Variants in CHST13 observed in about 807,000 individuals in gnomAD.
CHST13 encodes the protein carbohydrate sulfotransferase 13, also known as C4ST-3.
Under a neutral mutation model 7.0 loss-of-function variants are expected in CHST13, and 1 was observed. The ratio of observed to expected loss-of-function variants is 0.14; its 90% CI spans 0.05 to 0.68. CHST13 has a LOEUF of 0.68. Ranked by LOEUF, CHST13 falls within the 30% of genes least tolerant of loss-of-function variation. CHST13 has a pLI of 0.82. For synonymous variants in CHST13, 257 were observed against 240.9 expected (o/e 1.07, Z -0.62); for missense variants, 572 against 507.9 (o/e 1.13, Z -1.21).
intron 2 of CHST13, among the ~76,000 whole-genome samples, chr3:126,536,752 C>A (rs1245624073): frequency 6.6e-6 from 1 of 151,874 alleles, no homozygotes; most frequent in African/African-American, 2.4e-5. Flanking sequence ...ATGGACCAGG[C>A]GGGGCTGGCT....
Position 126,537,574 on chromosome 3 carries a change from T to A in CHST13, c.180+1221T>A, listed in dbSNP as rs113973048. Among the ~76,000 whole-genome samples the A allele has an allele frequency of 9.1e-4, 138 of 151,960 alleles. 1 individual carries two copies. Among genetic ancestry groups the A allele is most frequent in the African/African-American group, 3.2e-3 (134 of 41,440 alleles). ...GGTAGGGAGGCCTTCCTTCGCAGAG[T>A]GTGACTGACTGACTCTGGGCCACAC... On this transcript the variant is annotated intron_variant, in intron 2 of 2. Transcript: ENST00000319340.
intron 1 of CHST13, among the ~76,000 whole-genome samples, chr3:126,530,820 TG>T (rs1320600371): frequency 6.6e-6 from 1 of 152,244 alleles, no homozygotes; most frequent in East Asian, 1.9e-4. Context: ...GGCTGGTCAG[TG>T]GCCTGGAGAC....
intron 2 of CHST13, among the ~76,000 whole-genome samples, chr3:126,540,968 G>T (rs576975076): frequency 1.1e-4 from 17 of 152,288 alleles, no homozygotes; most frequent in African/African-American, 3.4e-4. Context: ...TCATAGGCAG[G>T]GGTGTTAATC....
chr3:126,528,118 G>GGT (rs1936573191), intron 1 of CHST13, among the ~76,000 whole-genome samples: 1 of 151,578 alleles, frequency 6.6e-6, no homozygotes, highest in African/African-American at 2.4e-5. Context: ...AATGGCCTGG[G>GGT]GTGTGAATGG....
chr3:126,536,923 AC>A (rs1553813759), intron 2 of CHST13, among the ~76,000 whole-genome samples: 1 of 141,458 alleles, frequency 7.1e-6, no homozygotes, highest in South Asian at 2.2e-4. Flanking sequence ...ACACACACAC[AC>A]CCCACACACA....
chr3:126,529,233 T>G (rs1024083344), intron 1 of CHST13: 11 of 1,037,422 alleles, frequency 1.1e-5, no homozygotes, highest in Non-Finnish European at 1.4e-5. Context: ...ACCCGGTATC[T>G]TGATTGGCAG....
intron 1 of CHST13, among the ~76,000 whole-genome samples, chr3:126,532,988 A>G (rs1424881583): frequency 6.6e-6 from 1 of 152,220 alleles, no homozygotes; most frequent in Non-Finnish European, 1.5e-5. Flanking sequence ...TTCCTTTGTT[A>G]CCAACTTCTT....
intron 1 of CHST13, among the ~76,000 whole-genome samples, chr3:126,533,388 A>T (rs1200588719): frequency 6.6e-6 from 1 of 152,146 alleles, no homozygotes; most frequent in Non-Finnish European, 1.5e-5. Context: ...CAGTTTGGCA[A>T]AGTTTCCTTC....
At chr3:126,539,422 T>G (rs1936873996) in intron 2 of CHST13, among the ~76,000 whole-genome samples, 1 of 151,824 alleles carries the variant, frequency 6.6e-6, no homozygotes, top group Non-Finnish European at 1.5e-5. Context: ...TGCACATGTG[T>G]GCAGGAGCGT....
At chr3:126,525,396 C>T (rs1936518538) in intron 1 of CHST13, among the ~76,000 whole-genome samples, 1 of 152,118 alleles carries the variant, frequency 6.6e-6, no homozygotes. Context: ...ATATCAGGGC[C>T]TGGGGAGGCC....
Position 126,542,663 on chromosome 3 carries a change from C to A in CHST13, c.*85C>A. On this transcript the variant is annotated 3_prime_UTR_variant, in exon 3 of 3. Transcript: ENST00000319340. ...AATGCAGGTGCTGCCGGCCCCAGGA[C>A]CCCTCTTCAAGAGCCACTGCGTGCA... is the stretch of plus-strand genomic sequence containing the variant. 1.4e-6 allele frequency: 2 copies of A among 1,384,356 alleles called. No homozygotes were observed. The highest frequency in any genetic ancestry group is 1.9e-6 in the Non-Finnish European group (2 of 1,068,456). The allele number at this position is 1,384,356 out of a possible 1,614,324, so 85.8% of individuals were successfully genotyped here. A position where few individuals can be genotyped will look rare whatever the true frequency, so the allele number is the denominator to read the frequency against.
intron 1 of CHST13, among the ~76,000 whole-genome samples, chr3:126,535,867 T>G (rs113726434): frequency 8.5e-5 from 13 of 152,328 alleles, no homozygotes; most frequent in African/African-American, 2.9e-4. Flanking sequence ...ATACACAGGA[T>G]CTGAGGGTGC....
rs754142853 is a variant in CHST13 at position 126,542,292 on chromosome 3, G to A, written c.740G>A (p.Trp247Ter). 3 of 1,566,262 alleles carry A rather than the reference G, an allele frequency of 1.9e-6. No homozygotes were observed. Among genetic ancestry groups the A allele is most frequent in the East Asian group, 2.4e-5 (1 of 41,116 alleles). Residue 247 changes from tryptophan to a stop codon, truncating the protein, a stop_gained, in exon 3 of 3, where the codon TGG becomes TAG. Transcript: ENST00000319340. LOFTEE classifies it low-confidence loss of function (END_TRUNC). The part of the protein sequence containing the change: ...TRREEPFNEH[W>*]ERAHALCHPC... ...CGTGAGGAGCCCTTCAACGAGCACT[G>A]GGAGCGCGCGCACGCGCTCTGCCAC... is the stretch of plus-strand genomic sequence containing the variant.
rs1022032391 is a variant in CHST13, at chr3:126,524,284, C to T, written c.-49C>T. ...CGGGTCCTGGGCCAGTGCAACTCCG[C>T]CCCCAGCCGTATCCAGCGGACTGTC... is the stretch of plus-strand genomic sequence containing the variant. On this transcript the variant is annotated 5_prime_UTR_variant, in exon 1 of 3. Transcript: ENST00000319340. 8.2e-7 allele frequency: 1 copy of T among 1,213,498 alleles called. No homozygotes were observed. Among genetic ancestry groups the T allele is most frequent in the Non-Finnish European group, 1.0e-6 (1 of 974,280 alleles). The allele number at this position is 1,213,498 out of a possible 1,614,324, so 75.2% of individuals were successfully genotyped here.
chr3:126,535,369 A>G (rs1936760308), intron 1 of CHST13, among the ~76,000 whole-genome samples: 1 of 146,864 alleles, frequency 6.8e-6, no homozygotes, highest in South Asian at 2.2e-4. Context: ...CACAGACAGC[A>G]TCGCTGTCCC....
rs368537915 is a variant in CHST13 at position 126,536,255 on chromosome 3, C to T, written c.98-16C>T. The T allele has an allele frequency of 1.4e-5, 22 of 1,611,466 alleles. No homozygotes were observed. The Admixed American group carries it at 2.8e-4, about 21-fold the overall frequency. On this transcript the variant is annotated splice_polypyrimidine_tract_variant and intron_variant, in intron 1 of 2. Coordinates refer to ENST00000319340, the MANE Select transcript of CHST13 (RefSeq NM_152889.3). ...CCTCTGATATGGTGGCGACATCTCTCTCCTTATGCCCACAGCATTTGGAAA... is the reference window on the plus strand; with the variant it reads ...CCTCTGATATGGTGGCGACATCTCTTTCCTTATGCCCACAGCATTTGGAAA...
intron 2 of CHST13, among the ~76,000 whole-genome samples, chr3:126,538,058 G>A (rs987341196): frequency 1.3e-5 from 2 of 152,224 alleles, no homozygotes; most frequent in Admixed American, 1.3e-4. Flanking sequence ...TCCCCAAAGA[G>A]AGCTGTGTGA....
rs755479275 is a variant in CHST13, at chr3:126,542,294, G to A, written c.742G>A (p.Glu248Lys). 1.3e-5 allele frequency: 21 copies of A among 1,566,420 alleles called. No homozygotes were observed. Among genetic ancestry groups the A allele is most frequent in the African/African-American group, 2.8e-5 (2 of 71,784 alleles). The stretch of plus-strand genomic sequence containing the variant: ...TGAGGAGCCCTTCAACGAGCACTGG[G>A]AGCGCGCGCACGCGCTCTGCCACCC... ...RREEPFNEHW[E>K]RAHALCHPCR... is the part of the protein sequence containing the mutation. Residue 248 changes from glutamate to lysine, a missense_variant, in exon 3 of 3, where the codon GAG (glutamate) becomes AAG (lysine). By Grantham distance (56) the Glu-to-Lys change is moderately conservative. Coordinates refer to ENST00000319340, the MANE Select transcript of CHST13 (RefSeq NM_152889.3).
At chr3:126,539,308 C>T (rs1936871229) in intron 2 of CHST13, among the ~76,000 whole-genome samples, 1 of 152,052 alleles carries the variant, frequency 6.6e-6, no homozygotes, top group African/African-American at 2.4e-5. Flanking sequence ...TATTTCTTTC[C>T]CTTTTTCAAC....
Sources: gnomAD v4.1 joint callset for allele counts (sites outside exome capture counted in the v4.1 genomes callset) on GRCh38, gnomAD v4.1.1 for gene constraint, MANE v1.5 for transcripts, NCBI Gene and HGNC (gene_info 2026-07-23, HGNC 2026-07-21) for gene names.